MRPL42: variants seen among roughly 807,000 people sequenced by gnomAD.
MRPL42 encodes the protein large ribosomal subunit protein mL42.
Under a neutral mutation model 17.9 loss-of-function variants are expected in MRPL42, and 17 were observed. That is an observed-to-expected ratio of 0.95 (90% CI 0.65 to 1.42). MRPL42 has a LOEUF of 1.42. Among genes scored for constraint, MRPL42 ranks in the 40% most tolerant of loss-of-function variants. The pLI is 0.00. For missense variants in MRPL42, 177 were observed against 175.2 expected, an observed-to-expected ratio of 1.01 and a Z score of -0.06; for synonymous variants, 59 against 54.4, an observed-to-expected ratio of 1.08 and a Z score of -0.37.
In MRPL42 at chr12:93,508,793, T is replaced by A. The variant is rs1046795506; in HGVS notation, c.*7572T>A. ...TACTTATAAGCCATCTCTACCTGAA[T>A]TAGCAATCATGGATAAGCTCAATAA... On this transcript the variant is annotated 3_prime_UTR_variant, in exon 6 of 6. Coordinates refer to ENST00000549982, the MANE Select transcript of MRPL42 (RefSeq NM_014050.4). 2.6e-5 allele frequency: 4 copies of A among 152,202 alleles called. No individual in the cohort carries two copies. The highest frequency in any genetic ancestry group is 2.0e-4 in the Admixed American group (3 of 15,276). The allele number at this position is 152,202 out of a possible 1,614,324, so 9.4% of individuals were successfully genotyped here. A position where few individuals can be genotyped will look rare whatever the true frequency, so the allele number is the denominator to read the frequency against.
intron 2 of MRPL42, among the ~76,000 whole-genome samples, chr12:93,474,824 CTCACACTGGTAA>C (rs1880082153): frequency 6.6e-6 from 1 of 151,520 alleles, no homozygotes; most frequent in African/African-American, 2.4e-5. Context: ...GGTGCAGTGG[CTCACACTGGTAA>C]TCCCAGCACT....
At chr12:93,485,563 A>ATC (rs143826625) in intron 4 of MRPL42, among the ~76,000 whole-genome samples, 101,651 of 151,824 alleles carry the variant, frequency 0.67, 34,260 homozygotes, top group Middle Eastern at 0.72. Flanking sequence ...TAAAGAAAAT[A>ATC]TGTTTGAATT....
rs1953662165 is a variant in MRPL42, at chr12:93,505,686, A to G, written c.*4465A>G. On this transcript the variant is annotated 3_prime_UTR_variant, in exon 6 of 6. Transcript: ENST00000549982. ...CTGGGAAGGAATACTCAGGAACAATATGTAATGTGCTTTCTAGTTTTGCAC... is the reference window on the plus strand; with the variant it reads ...CTGGGAAGGAATACTCAGGAACAATGTGTAATGTGCTTTCTAGTTTTGCAC... The G allele has an allele frequency of 6.6e-6, 1 of 152,194 alleles. No homozygotes were observed. The highest frequency in any genetic ancestry group is 2.4e-5 in the African/African-American group (1 of 41,444). The allele number at this position is 152,194 out of a possible 1,614,324, so 9.4% of individuals were successfully genotyped here.
chr12:93,484,668 C>T (rs1347873983), intron 4 of MRPL42, among the ~76,000 whole-genome samples: 1 of 151,898 alleles, frequency 6.6e-6, no homozygotes, highest in African/African-American at 2.4e-5. Flanking sequence ...ATGATCTTGG[C>T]TCACTGAAAC....
chr12:93,488,267 G>A (rs979354701), intron 5 of MRPL42: 1 of 397,960 alleles, frequency 2.5e-6, no homozygotes. Context: ...ACCGAGCCTG[G>A]CTCTTTTTTC....
At chr12:93,484,037 G>T (rs1199004725) in intron 4 of MRPL42, among the ~76,000 whole-genome samples, 7 of 152,052 alleles carry the variant, frequency 4.6e-5, no homozygotes, top group African/African-American at 1.7e-4. Context: ...CCACTGGAAG[G>T]TCTTCAGGTA....
At chr12:93,478,556 G>A (rs1880296745) in intron 3 of MRPL42, among the ~76,000 whole-genome samples, 1 of 152,098 alleles carries the variant, frequency 6.6e-6, no homozygotes, top group South Asian at 2.1e-4. Flanking sequence ...CTTGATACTA[G>A]TTTTAATTGT....
Position 93,509,199 on chromosome 12 carries a change from A to C in MRPL42, c.*7978A>C, listed in dbSNP as rs188418248. On this transcript the variant is annotated 3_prime_UTR_variant, in exon 6 of 6. Coordinates refer to ENST00000549982, the MANE Select transcript of MRPL42 (RefSeq NM_014050.4). ...CGAGATTCCGTCTCAAAAAAAAAAAAAAAACTGCCAAAACGCTTTTTGCAA... is the reference window on the plus strand; with the variant it reads ...CGAGATTCCGTCTCAAAAAAAAAAACAAAACTGCCAAAACGCTTTTTGCAA... The C allele has an allele frequency of 4.6e-5, 7 of 151,824 alleles. No homozygotes were observed. The highest frequency in any genetic ancestry group is 1.3e-4 in the Admixed American group (2 of 15,242). The allele number at this position is 151,824 out of a possible 1,614,324, so 9.4% of individuals were successfully genotyped here.
rs944039409 is a variant in MRPL42, at chr12:93,502,073, A to G, written c.*852A>G. On this transcript the variant is annotated 3_prime_UTR_variant, in exon 6 of 6. Transcript: ENST00000549982. ...CAAAGCTTTTTTTTAGTGCATCACA[A>G]TGACAAAGGGGTGGTTTTCTTTCAC... 6.6e-6 allele frequency: 1 copy of G among 152,184 alleles called. No homozygotes were observed. The highest frequency in any genetic ancestry group is 2.4e-5 in the African/African-American group (1 of 41,458). 9.4% of individuals were successfully genotyped at this position (152,184 alleles called of 1,614,324 possible).
intron 5 of MRPL42, among the ~76,000 whole-genome samples, chr12:93,497,591 AAG>A (rs1020191414): frequency 1.7e-4 from 26 of 152,320 alleles, no homozygotes; most frequent in African/African-American, 6.3e-4. Context: ...CCAAAATAAT[AAG>A]AGCCATTTAT....
chr12:93,496,214 AC>A, intron 5 of MRPL42, among the ~76,000 whole-genome samples: 1 of 151,996 alleles, frequency 6.6e-6, no homozygotes, highest in South Asian at 2.1e-4. Flanking sequence ...AGTTACCACA[AC>A]ACCCGGCTAA....
intron 5 of MRPL42, among the ~76,000 whole-genome samples, chr12:93,495,925 A>T (rs747619301): frequency 7.2e-5 from 11 of 152,230 alleles, no homozygotes; most frequent in Non-Finnish European, 1.6e-4. Flanking sequence ...GAGGAACTGA[A>T]CACCTTAAAG....
At chr12:93,481,619 T>C (rs1880468522) in intron 4 of MRPL42, among the ~76,000 whole-genome samples, 1 of 152,222 alleles carries the variant, frequency 6.6e-6, no homozygotes, top group Admixed American at 6.5e-5. Flanking sequence ...TCAATATCCA[T>C]GTAGGTGATC....
Position 93,511,743 on chromosome 12 carries a change from A to C in MRPL42, c.*10522A>C, listed in dbSNP as rs977537220. The C allele has an allele frequency of 6.6e-6, 1 of 152,226 alleles. No homozygotes were observed. Among genetic ancestry groups the C allele is most frequent in the African/African-American group, 2.4e-5 (1 of 41,460 alleles). 9.4% of individuals were successfully genotyped at this position (152,226 alleles called of 1,614,324 possible). Reference sequence around the variant, plus strand: ...TGCCAACAAACAGCTAACTCTAAACAACAGTAAAGTGTGGAATAAATTACT... The same window carrying C: ...TGCCAACAAACAGCTAACTCTAAACCACAGTAAAGTGTGGAATAAATTACT... On this transcript the variant is annotated 3_prime_UTR_variant, in exon 6 of 6. Coordinates refer to ENST00000549982, the MANE Select transcript of MRPL42 (RefSeq NM_014050.4).
intron 1 of MRPL42, 76 bp from the exon 2 acceptor site, chr12:93,469,116 T>TA (rs1879776316): frequency 1.9e-6 from 1 of 534,972 alleles, no homozygotes; most frequent in Non-Finnish European, 3.3e-6. Flanking sequence ...CAGTGATTCT[T>TA]ACCTTGTTCT....
intron 5 of MRPL42, among the ~76,000 whole-genome samples, chr12:93,495,574 T>A (rs1048338437): frequency 5.3e-5 from 8 of 152,134 alleles, no homozygotes; most frequent in Non-Finnish European, 1.0e-4. Context: ...CATGAGATAA[T>A]CTAATCAACG....
intron 4 of MRPL42, among the ~76,000 whole-genome samples, chr12:93,485,740 A>G (rs1306925135): frequency 2.0e-5 from 3 of 152,188 alleles, no homozygotes; most frequent in Non-Finnish European, 4.4e-5. Context: ...TCTTTGTTAC[A>G]TACCTTAATA....
chr12:93,470,545 C>G, intron 2 of MRPL42: 1 of 1,292,802 alleles, frequency 7.7e-7, no homozygotes, highest in Non-Finnish European at 1.0e-6. Flanking sequence ...GAGGTTTGGG[C>G]TTCAACTGAA....
rs1373106017 is a variant in MRPL42, at chr12:93,469,298, G to T, written c.13G>T (p.Ala5Ser). Reference sequence around the variant, plus strand: ...ATCTTGAAACACCATGGCTGTAGCTGCAGTAAAATGGGTGATGTCAAAGAG... The same window carrying T: ...ATCTTGAAACACCATGGCTGTAGCTTCAGTAAAATGGGTGATGTCAAAGAG... Reference protein sequence around the residue: MAVAAVKWVMSKRTI... With the variant: MAVASVKWVMSKRTI... The change falls in exon 2 of 6, where the codon GCA becomes TCA. Residue 5 changes from alanine (A) to serine (S), a missense_variant. Ala to Ser is a moderately conservative substitution (Grantham distance 99). Transcript: ENST00000549982. 6.2e-7 allele frequency: 1 copy of T among 1,610,910 alleles called. No individual in the cohort carries two copies. The highest frequency in any genetic ancestry group is 2.2e-5 in the East Asian group (1 of 44,770).
Sources: gnomAD v4.1 joint callset for allele counts (sites outside exome capture counted in the v4.1 genomes callset) on GRCh38, gnomAD v4.1.1 for gene constraint, MANE v1.5 for transcripts, NCBI Gene and HGNC (gene_info 2026-07-23, HGNC 2026-07-21) for gene names.